The following PHKB variants were observed in gnomAD, a reference collection of about 807,000 sequenced individuals.
The protein encoded by PHKB is phosphorylase b kinase regulatory subunit beta.
PHKB carries 122 observed loss-of-function variants against 152.1 expected under a neutral mutation model. That is an observed-to-expected ratio of 0.80 (90% CI 0.69 to 0.93). PHKB has a LOEUF of 0.93. Among genes scored for constraint, PHKB ranks in the 40% least tolerant of loss-of-function variants. The pLI is 0.00. For synonymous variants in PHKB, 436 were observed against 464.9 expected (o/e 0.94, Z 0.80); for missense variants, 1,304 against 1,328.4 (o/e 0.98, Z 0.29).
At chr16:47,522,222 A>T (rs1202920408) in intron 6 of PHKB, among the ~76,000 whole-genome samples, 2 of 152,028 alleles carry the variant, frequency 1.3e-5, no homozygotes, top group East Asian at 3.8e-4. Context: ...AATGTTTTTG[A>T]TTACCATTTC....
intron 6 of PHKB, among the ~76,000 whole-genome samples, chr16:47,522,750 C>T (rs1289520718): frequency 6.6e-6 from 1 of 151,788 alleles, no homozygotes; most frequent in Non-Finnish European, 1.5e-5. Context: ...ATTCATTCAT[C>T]TCAATGTGTT....
intron 6 of PHKB, among the ~76,000 whole-genome samples, chr16:47,532,340 C>T (rs1259943538): frequency 1.3e-5 from 2 of 152,026 alleles, no homozygotes; most frequent in South Asian, 2.1e-4. Flanking sequence ...TAGATGATAC[C>T]CTAGTGTTAT....
rs73551213 is a variant in PHKB, at chr16:47,580,801, G to A, written c.774+443G>A. On this transcript the variant is annotated intron_variant, in intron 8 of 30. Coordinates refer to ENST00000323584, the MANE Select transcript of PHKB (RefSeq NM_000293.3). The stretch of plus-strand genomic sequence containing the variant: ...GTTTAGCCAGATAATTGGGAGTTTT[G>A]ATCCTAGCTTCACCTTCAACTGGCT... Among the ~76,000 whole-genome samples, 13 of 152,008 alleles carry A rather than the reference G, an allele frequency of 8.6e-5. No homozygotes were observed. The East Asian group carries it at 2.5e-3, about 29-fold the overall frequency.
At chr16:47,665,836 T>TG (rs1345956381) in intron 25 of PHKB, 1 of 799,172 alleles carries the variant, frequency 1.3e-6, no homozygotes, top group Non-Finnish European at 2.2e-6. Flanking sequence ...AATGATGATG[T>TG]GAGGATTCCA....
At position 47,515,553 on chromosome 16, in the gene PHKB, T is replaced by G. The variant is rs765386216; in HGVS notation, c.546T>G (p.Leu182=). 1 of 1,515,210 alleles carries G rather than the reference T, an allele frequency of 6.6e-7. No individual in the cohort carries two copies. Among genetic ancestry groups the G allele is most frequent in the Non-Finnish European group, 9.2e-7 (1 of 1,090,302 alleles). 93.9% of individuals were successfully genotyped at this position (1,515,210 alleles called of 1,614,324 possible). Residue 182 remains leucine, a synonymous_variant, in exon 6 of 31, where the codon CTT becomes CTG. Coordinates refer to ENST00000323584, the MANE Select transcript of PHKB (RefSeq NM_000293.3). ...INAVSLYLLY[L]VEMISSGLQI... The stretch of plus-strand genomic sequence containing the variant: ...CAGTGTCACTTTATCTCCTTTACCT[T>G]GTGGAAATGATTTCCTCAGGACTCC...
intron 13 of PHKB, 34 bp downstream of exon 13, chr16:47,596,565 C>G: frequency 1.3e-6 from 2 of 1,595,492 alleles, no homozygotes; most frequent in African/African-American, 1.3e-5. Context: ...GTATTTTTTT[C>G]CTTGTTATTA....
At chr16:47,529,895 T>A (rs1970831924) in intron 6 of PHKB, 1 of 152,190 alleles carries the variant, frequency 6.6e-6, no homozygotes, top group Non-Finnish European at 1.5e-5. Context: ...CATCCGTTAG[T>A]GTAACTCATT....
At chr16:47,601,521 C>T (rs1204193256) in intron 13 of PHKB, among the ~76,000 whole-genome samples, 3 of 151,854 alleles carry the variant, frequency 2.0e-5, no homozygotes, top group Admixed American at 2.0e-4. Flanking sequence ...CTGGCTAACA[C>T]AGTGAAACCC....
intron 10 of PHKB, 51 bp from the exon 11 acceptor site, chr16:47,593,449 A>G: frequency 2.1e-6 from 2 of 955,266 alleles, no homozygotes; most frequent in Non-Finnish European, 3.3e-6. Flanking sequence ...CAAAATAATA[A>G]TAATAATTTA....
intron 7 of PHKB, among the ~76,000 whole-genome samples, chr16:47,554,589 C>T (rs1421100903): frequency 2.6e-5 from 4 of 152,056 alleles, no homozygotes; most frequent in African/African-American, 4.8e-5. Flanking sequence ...GCAGCTAGCT[C>T]GGTGTCTTCC....
intron 27 of PHKB, among the ~76,000 whole-genome samples, 190 bp from the exon 28 acceptor site, chr16:47,693,188 T>A (rs1233925141): frequency 6.6e-6 from 1 of 152,220 alleles, no homozygotes; most frequent in Non-Finnish European, 1.5e-5. Flanking sequence ...GGAGACTTCC[T>A]CCTGTCCTGC....
chr16:47,474,044 T>C (rs533920887), intron 1 of PHKB, among the ~76,000 whole-genome samples: 2 of 152,350 alleles, frequency 1.3e-5, no homozygotes, highest in South Asian at 4.1e-4. Context: ...ATTTGTCATT[T>C]TTATAGGTTC....
intron 16 of PHKB, among the ~76,000 whole-genome samples, chr16:47,642,880 A>G (rs1460702491): frequency 1.3e-5 from 2 of 152,152 alleles, no homozygotes; most frequent in African/African-American, 2.4e-5. Context: ...GATGTACATA[A>G]TGGTACAAGG....
intron 2 of PHKB, among the ~76,000 whole-genome samples, chr16:47,497,694 A>G (rs1017658275): frequency 1.3e-5 from 2 of 152,200 alleles, no homozygotes; most frequent in Admixed American, 1.3e-4. Flanking sequence ...TGGCCCTTGA[A>G]GAATTTGAAA....
chr16:47,521,722 A>G (rs1324421525), intron 6 of PHKB, among the ~76,000 whole-genome samples: 6 of 151,538 alleles, frequency 4.0e-5, no homozygotes, highest in Admixed American at 2.6e-4. Context: ...CCTTCATCAG[A>G]TTGAGAAAGT....
At chr16:47,682,229 AT>A (rs1319350152) in intron 26 of PHKB, among the ~76,000 whole-genome samples, 1 of 152,102 alleles carries the variant, frequency 6.6e-6, no homozygotes, top group Non-Finnish European at 1.5e-5. Flanking sequence ...GAATCTGACA[AT>A]TATGTGTCTT....
At chr16:47,506,210 A>T (rs887597313) in intron 4 of PHKB, among the ~76,000 whole-genome samples, 1 of 151,762 alleles carries the variant, frequency 6.6e-6, no homozygotes, top group African/African-American at 2.4e-5. Flanking sequence ...AGAAAGAAAA[A>T]AAATAATAAA....
intron 14 of PHKB, 68 bp downstream of exon 14, chr16:47,610,988 T>G: frequency 1.0e-6 from 1 of 989,624 alleles, no homozygotes; most frequent in South Asian, 1.3e-5. Flanking sequence ...GAAGAGGAAA[T>G]TTTTGTTCTG....
At chr16:47,560,295 G>T (rs374362143) in intron 7 of PHKB, among the ~76,000 whole-genome samples, 4 of 152,130 alleles carry the variant, frequency 2.6e-5, no homozygotes, top group African/African-American at 9.7e-5. Flanking sequence ...TCTTGTACTT[G>T]TATATTGAAA....
Sources: gnomAD v4.1 joint callset for allele counts (sites outside exome capture counted in the v4.1 genomes callset) on GRCh38, gnomAD v4.1.1 for gene constraint, MANE v1.5 for transcripts, NCBI Gene and HGNC (gene_info 2026-07-23, HGNC 2026-07-21) for gene names.